The following TAB2 variants were observed in gnomAD, a reference collection of about 807,000 sequenced individuals.
TAB2 encodes TGF-beta-activated kinase 1 and MAP3K7-binding protein 2.
TAB2 carries 3 observed loss-of-function variants against 65.0 expected under a neutral mutation model. That is an observed-to-expected ratio of 0.05 (90% CI 0.02 to 0.12). TAB2 has a LOEUF of 0.12. Among genes scored for constraint, TAB2 ranks in the 10% least tolerant of loss-of-function variants. The pLI is 1.00. For missense variants in TAB2, 623 were observed against 840.3 expected (o/e 0.74, Z 3.20); for synonymous variants, 298 against 285.1 (o/e 1.05, Z -0.46).
At chr6:149,361,892 A>C (rs1230228689) in intron 1 of TAB2, among the ~76,000 whole-genome samples, 1 of 152,202 alleles carries the variant, frequency 6.6e-6, no homozygotes, top group Non-Finnish European at 1.5e-5. Context: ...GGGCATGAAC[A>C]CAATACAGCC....
rs1401651282 is a variant in TAB2 at position 149,410,961 on chromosome 6, A to G, written c.*1242A>G. ...CTAATCCTGACTTGGTGACAGTATC[A>G]TGTGTATTTATAAAACAAGGCTAGC... On this transcript the variant is annotated 3_prime_UTR_variant, in exon 7 of 7. Transcript: ENST00000637181. 6.6e-6 allele frequency: 1 copy of G among 152,480 alleles called. No individual in the cohort carries two copies. Among genetic ancestry groups the G allele is most frequent in the Non-Finnish European group, 1.5e-5 (1 of 68,014 alleles). The allele number at this position is 152,480 out of a possible 1,614,324, so 9.4% of individuals were successfully genotyped here.
intron 1 of TAB2, among the ~76,000 whole-genome samples, chr6:149,273,173 C>T (rs1328477741): frequency 6.6e-6 from 1 of 152,086 alleles, no homozygotes; most frequent in Non-Finnish European, 1.5e-5. Flanking sequence ...CAGCCCCTCG[C>T]AGCAAAGCAT....
chr6:149,284,845 G>A (rs12190978), intron 1 of TAB2, among the ~76,000 whole-genome samples: 5,706 of 152,134 alleles, frequency 0.038, 135 homozygotes, highest in Non-Finnish European at 0.046. Flanking sequence ...AATACAAGTA[G>A]CCCTGAGATT....
rs922195786 is a variant in TAB2, at chr6:149,378,407, A to G, written c.492A>G (p.Thr164=). Residue 164 remains threonine (T), a synonymous_variant, in exon 3 of 7, where the codon ACA becomes ACG. Coordinates refer to ENST00000637181, the MANE Select transcript of TAB2 (RefSeq NM_001292034.3). ...HLGFHLGSKG[T]SSLSQQTPRF... ...GATTTCACTTAGGCAGCAAAGGAAC[A>G]TCTAGCCTTTCTCAACAAACTCCCA... The G allele has an allele frequency of 6.2e-6, 10 of 1,614,134 alleles. No individual in the cohort carries two copies. Among genetic ancestry groups the G allele is most frequent in the Admixed American group, 3.3e-5 (2 of 60,008 alleles).
intron 1 of TAB2, among the ~76,000 whole-genome samples, chr6:149,241,794 C>T (rs1339501387): frequency 6.6e-6 from 1 of 152,086 alleles, no homozygotes; most frequent in Admixed American, 6.6e-5. Flanking sequence ...ACCTAGCCAC[C>T]GAATCAGACT....
intron 6 of TAB2, among the ~76,000 whole-genome samples, chr6:149,401,803 C>A (rs1188225415): frequency 6.6e-6 from 1 of 151,626 alleles, no homozygotes; most frequent in African/African-American, 2.4e-5. Context: ...AACTAGAAAT[C>A]AGTAACAGCA....
At chr6:149,250,495 A>G (rs1448157748) in intron 1 of TAB2, among the ~76,000 whole-genome samples, 2 of 152,116 alleles carry the variant, frequency 1.3e-5, no homozygotes, top group Non-Finnish European at 2.9e-5. Flanking sequence ...TAGTAGAGAC[A>G]GGGTTTCACC....
At chr6:149,233,906 C>T (rs1355699278) in intron 1 of TAB2, among the ~76,000 whole-genome samples, 1 of 152,154 alleles carries the variant, frequency 6.6e-6, no homozygotes, top group Non-Finnish European at 1.5e-5. Flanking sequence ...TCCAACCCTC[C>T]CCAAATGCTG....
At chr6:149,227,998 T>G (rs900950840) in intron 1 of TAB2, among the ~76,000 whole-genome samples, 3 of 152,042 alleles carry the variant, frequency 2.0e-5, no homozygotes, top group Non-Finnish European at 4.4e-5. Flanking sequence ...ACCTCATTTC[T>G]CAGGATGAAA....
chr6:149,320,284 C>T (rs1779397325), intron 1 of TAB2, among the ~76,000 whole-genome samples: 1 of 152,114 alleles, frequency 6.6e-6, no homozygotes. Flanking sequence ...ACCATGATGG[C>T]CTGGCTGGTC....
chr6:149,346,029 G>A lies in TAB2; in HGVS notation c.-89-23880G>A, dbSNP rs1470143025. Among the ~76,000 whole-genome samples the A allele has an allele frequency of 2.6e-5, 4 of 152,130 alleles. No homozygotes were observed. The East Asian group carries it at 5.8e-4, about 22-fold the overall frequency. On this transcript the variant is annotated intron_variant, in intron 1 of 6. Transcript: ENST00000637181. ...GGTTGTTTTTAGAAGCACACACTGG[G>A]ATGACCATTCTTGTTTACACCACTT...
chr6:149,346,766 T>C (rs1439124732), intron 1 of TAB2, among the ~76,000 whole-genome samples: 1 of 152,172 alleles, frequency 6.6e-6, no homozygotes, highest in Non-Finnish European at 1.5e-5. Flanking sequence ...TGATACTTCT[T>C]ATAACTTTCT....
At chr6:149,381,989 A>C (rs1781626405) in intron 3 of TAB2, among the ~76,000 whole-genome samples, 1 of 152,108 alleles carries the variant, frequency 6.6e-6, no homozygotes, top group South Asian at 2.1e-4. Flanking sequence ...TCTTCTTTCA[A>C]CTCAGCATCC....
chr6:149,299,974 C>T (rs1402322125), intron 1 of TAB2, among the ~76,000 whole-genome samples: 2 of 152,132 alleles, frequency 1.3e-5, no homozygotes, highest in Non-Finnish European at 2.9e-5. Context: ...TGCCACTGCA[C>T]TCTGGGCAAC....
chr6:149,225,242 CT>C (rs1777244550), intron 1 of TAB2, among the ~76,000 whole-genome samples: 1 of 152,034 alleles, frequency 6.6e-6, no homozygotes, highest in Admixed American at 6.5e-5. Flanking sequence ...GTAATATCAA[CT>C]TGAGAAGTTG....
At chr6:149,332,594 T>C (rs1779816462) in intron 1 of TAB2, among the ~76,000 whole-genome samples, 1 of 152,172 alleles carries the variant, frequency 6.6e-6, no homozygotes, top group African/African-American at 2.4e-5. Flanking sequence ...TTTAGAGCTT[T>C]GCCCTAAATC....
In TAB2 at chr6:149,410,507, C is replaced by A. The variant is rs1782815436; in HGVS notation, c.*788C>A. ...CGATCATGTCCCTTTTTAAGCCTTA[C>A]CTGAGAGGAACAATGCCTTAAAATA... On this transcript the variant is annotated 3_prime_UTR_variant, in exon 7 of 7. Coordinates refer to ENST00000637181, the MANE Select transcript of TAB2 (RefSeq NM_001292034.3). The A allele has an allele frequency of 6.6e-6, 1 of 152,452 alleles. No homozygotes were observed. Among genetic ancestry groups the A allele is most frequent in the South Asian group, 2.1e-4 (1 of 4,828 alleles). The allele number at this position is 152,452 out of a possible 1,614,324, so 9.4% of individuals were successfully genotyped here.
chr6:149,350,953 C>T (rs1483828789), intron 1 of TAB2, among the ~76,000 whole-genome samples: 1 of 152,126 alleles, frequency 6.6e-6, no homozygotes, highest in Non-Finnish European at 1.5e-5. Context: ...CTTCATTCAT[C>T]TTCTCAGCTT....
intron 1 of TAB2, among the ~76,000 whole-genome samples, chr6:149,261,703 C>T (rs186344390): frequency 2.6e-5 from 4 of 151,930 alleles, no homozygotes; most frequent in Non-Finnish European, 4.4e-5. Context: ...TGACTGTTGA[C>T]GAAAAAAGGA....
Sources: allele counts gnomAD v4.1 joint callset (sites outside exome capture counted in the v4.1 genomes callset), GRCh38; gene constraint gnomAD v4.1.1; transcripts MANE v1.5; gene names NCBI Gene and HGNC (gene_info 2026-07-23, HGNC 2026-07-21).